KIF26B: variants seen among roughly 807,000 people sequenced by gnomAD.
The protein encoded by KIF26B is kinesin family member 26B.
Under a neutral mutation model 151.2 loss-of-function variants are expected in KIF26B, and 63 were observed. That is an observed-to-expected ratio of 0.42 (90% CI 0.34 to 0.51). The LOEUF (loss-of-function observed/expected upper bound fraction) is 0.51. Among genes scored for constraint, KIF26B ranks in the 20% least tolerant of loss-of-function variants. The probability of loss-of-function intolerance (pLI) is 0.07; values close to 1 mark genes in which losing one functional copy is unlikely to be tolerated. For missense variants in KIF26B, 2,813 were observed against 2,913.6 expected (o/e 0.97, Z 0.79); for synonymous variants, 1,357 against 1,262.1 (o/e 1.08, Z -1.59).
At chr1:245,700,994 G>A (rs2147970682) in intron 14 of KIF26B, among the ~76,000 whole-genome samples, 1 of 152,272 alleles carries the variant, frequency 6.6e-6, no homozygotes, top group Non-Finnish European at 1.5e-5. Context: ...AACTGTTTAT[G>A]CCCAAGGCAG....
rs1239977916 is a variant in KIF26B at position 245,688,386 on chromosome 1, G to A, written c.5403G>A (p.Leu1801=). Residue 1801 remains leucine, a synonymous_variant, in exon 12 of 15, where the codon CTG becomes CTA. Transcript: ENST00000407071. ...RSSGLASKLP[L]RAVSGRISEL... ...CGGGCCTGGCCTCCAAGCTTCCCCT[G>A]CGGGCCGTCAGCGGGCGCATCTCGG... The A allele has an allele frequency of 7.9e-6, 12 of 1,522,674 alleles. No homozygotes were observed. Among genetic ancestry groups the A allele is most frequent in the Middle Eastern group, 3.4e-4 (2 of 5,848 alleles). The allele number at this position is 1,522,674 out of a possible 1,614,324, so 94.3% of individuals were successfully genotyped here. A position where few individuals can be genotyped will look rare whatever the true frequency, so the allele number is the denominator to read the frequency against.
intron 5 of KIF26B, among the ~76,000 whole-genome samples, chr1:245,592,921 A>G (rs1416381933): frequency 6.6e-6 from 1 of 152,136 alleles, no homozygotes; most frequent in Non-Finnish European, 1.5e-5. Context: ...TATGTTTAAA[A>G]GCTCCCTCTG....
chr1:245,202,518 G>T (rs1170959501), intron 2 of KIF26B, among the ~76,000 whole-genome samples: 3 of 152,114 alleles, frequency 2.0e-5, no homozygotes, highest in Non-Finnish European at 2.9e-5. Flanking sequence ...CAGCACTTTG[G>T]GGGGCCAAGG....
chr1:245,463,225 C>G (rs148617218), intron 4 of KIF26B, among the ~76,000 whole-genome samples: 1 of 152,224 alleles, frequency 6.6e-6, no homozygotes, highest in Admixed American at 6.5e-5. Flanking sequence ...CATGCATCAC[C>G]TTAGCCAATC....
chr1:245,515,042 G>C (rs569768300), intron 4 of KIF26B, among the ~76,000 whole-genome samples: 1 of 152,290 alleles, frequency 6.6e-6, no homozygotes, highest in East Asian at 1.9e-4. Context: ...AGAATGGAAA[G>C]CGTGCTCGAG....
intron 2 of KIF26B, among the ~76,000 whole-genome samples, chr1:245,253,184 T>A (rs1670475100): frequency 6.6e-6 from 1 of 151,746 alleles, no homozygotes; most frequent in African/African-American, 2.4e-5. Context: ...TAATTTTGTA[T>A]TTTTAGTAGA....
chr1:245,536,345 T>C (rs1661487521), intron 4 of KIF26B, among the ~76,000 whole-genome samples: 1 of 152,228 alleles, frequency 6.6e-6, no homozygotes, highest in Non-Finnish European at 1.5e-5. Context: ...CCAGGCTAAA[T>C]ATCCCCAGCT....
chr1:245,665,758 G>C lies in KIF26B; in HGVS notation c.2259-18475G>C, dbSNP rs112273463. Among the ~76,000 whole-genome samples the C allele has an allele frequency of 2.2e-3, 330 of 151,764 alleles. 2 individuals carry two copies. Among genetic ancestry groups the C allele is most frequent in the Admixed American group, 4.4e-3 (67 of 15,202 alleles). On this transcript the variant is annotated intron_variant, in intron 10 of 14. Transcript: ENST00000407071. ...GACTGAGTCTTTCTCCATCACCCAG[G>C]ACTGCAACCTCCGCTTCCCGAGTTC...
rs1358583616 is a variant in KIF26B at position 245,646,110 on chromosome 1, C to T, written c.2099-11C>T. On this transcript the variant is annotated splice_polypyrimidine_tract_variant and intron_variant, in intron 9 of 14. Coordinates refer to ENST00000407071, the MANE Select transcript of KIF26B (RefSeq NM_018012.4). ...TTAACCATTTCTCTTTTATCTTCTC[C>T]CCTGTGGTAGTGTCTGGAGGTCGCA... 1.2e-6 allele frequency: 2 copies of T among 1,613,064 alleles called. No homozygotes were observed. The highest frequency in any genetic ancestry group is 1.1e-5 in the South Asian group (1 of 90,960).
chr1:245,387,294 A>G (rs1180213204), intron 3 of KIF26B, among the ~76,000 whole-genome samples: 6 of 151,842 alleles, frequency 4.0e-5, no homozygotes, highest in Non-Finnish European at 8.8e-5. Context: ...CCTCCCGAGT[A>G]GCTGGGACTA....
At chr1:245,609,172 C>G (rs2043490387) in intron 7 of KIF26B, 94 bp from the exon 8 acceptor site, 1 of 1,193,730 alleles carries the variant, frequency 8.4e-7, no homozygotes, top group African/African-American at 1.5e-5. Context: ...CTTCCCTGTG[C>G]CTTTCTTCTA....
At chr1:245,455,794 GGCCTTGCTGGTCTTCTCTGC>G (rs1304488547) in intron 4 of KIF26B, among the ~76,000 whole-genome samples, 1 of 152,180 alleles carries the variant, frequency 6.6e-6, no homozygotes, top group African/African-American at 2.4e-5. Flanking sequence ...AGGCCAGAGA[GGCCTTGCTGGTCTTCTCTGC>G]GTCTCCCTCA....
At chr1:245,605,672 C>T (rs2043444114) in intron 6 of KIF26B, among the ~76,000 whole-genome samples, 1 of 152,122 alleles carries the variant, frequency 6.6e-6, no homozygotes, top group Non-Finnish European at 1.5e-5. Context: ...GGGGGCTGTG[C>T]TCGAGAAGGC....
intron 2 of KIF26B, among the ~76,000 whole-genome samples, chr1:245,173,945 G>A (rs538772701): frequency 7.4e-4 from 113 of 152,290 alleles, no homozygotes; most frequent in African/African-American, 2.0e-3. Context: ...GCCTGTGGTC[G>A]TTAGAAAAGT....
chr1:245,680,812 G>T (rs919336902), intron 10 of KIF26B, among the ~76,000 whole-genome samples: 1 of 152,176 alleles, frequency 6.6e-6, no homozygotes, highest in African/African-American at 2.4e-5. Context: ...ATACTGAGTC[G>T]CCAGATGCAC....
intron 11 of KIF26B, 67 bp from the exon 12 acceptor site, chr1:245,685,338 G>A (rs756967410): frequency 1.5e-5 from 20 of 1,336,144 alleles, no homozygotes; most frequent in Admixed American, 2.2e-5. Flanking sequence ...CACTTGCCGC[G>A]CACAGCTGGG....
chr1:245,681,874 G>A (rs751955406), intron 10 of KIF26B, among the ~76,000 whole-genome samples: 2 of 152,212 alleles, frequency 1.3e-5, no homozygotes, highest in Admixed American at 6.5e-5. Context: ...ACAAGGTTAC[G>A]TATTGACCAG....
chr1:245,613,655 T>A (rs1003573465), intron 9 of KIF26B, among the ~76,000 whole-genome samples: 9 of 152,234 alleles, frequency 5.9e-5, no homozygotes, highest in African/African-American at 2.2e-4. Context: ...CCCCCTGATT[T>A]CCCCTAAGCC....
chr1:245,419,494 C>T, intron 3 of KIF26B, 85 bp from the exon 4 acceptor site: 1 of 1,330,564 alleles, frequency 7.5e-7, no homozygotes, highest in South Asian at 1.4e-5. Flanking sequence ...TCTTGCCTCC[C>T]TCCCCCAAAT....
Sources: gnomAD v4.1 joint callset for allele counts (sites outside exome capture counted in the v4.1 genomes callset) on GRCh38, gnomAD v4.1.1 for gene constraint, MANE v1.5 for transcripts, NCBI Gene and HGNC (gene_info 2026-07-23, HGNC 2026-07-21) for gene names.